The following MROH1 variants were observed in gnomAD, a reference collection of about 807,000 sequenced individuals.
MROH1 encodes maestro heat like repeat family member 1.
In MROH1, 117 loss-of-function variants were observed where a neutral mutation model predicts 116.5. The observed-to-expected ratio is 1.00, with a 90% confidence interval of 0.86 to 1.17. The LOEUF is 1.17. Ranked by LOEUF, MROH1 falls within the 50% of genes most tolerant of loss-of-function variation. The pLI, the probability that MROH1 is intolerant of heterozygous loss-of-function variation, is 0.00. For missense variants in MROH1, 1,873 were observed against 1,338.5 expected (o/e 1.40, Z -6.23); for synonymous variants, 921 against 583.9 (o/e 1.58, Z -8.32).
At chr8:144,259,720 A>G (rs1398797858) in intron 37 of MROH1, among the ~76,000 whole-genome samples, 191 bp from the exon 38 acceptor site, 2 of 152,254 alleles carry the variant, frequency 1.3e-5, no homozygotes, top group African/African-American at 4.8e-5. Flanking sequence ...AGCAGAGCAC[A>G]GCGGGCGTCA....
intron 33 of MROH1, among the ~76,000 whole-genome samples, chr8:144,253,097 T>G (rs1182576437): frequency 6.6e-6 from 1 of 151,208 alleles, no homozygotes; most frequent in Non-Finnish European, 1.5e-5. Context: ...GAGGTTGCAG[T>G]GAGCTGAGAT....
intron 1 of MROH1, among the ~76,000 whole-genome samples, chr8:144,155,684 G>T (rs926647323): frequency 4.3e-4 from 62 of 145,354 alleles, no homozygotes; most frequent in African/African-American, 1.6e-3. Context: ...TTGTCACCCA[G>T]GCCAGAATGC....
chr8:144,261,103 C>T lies in MROH1; in HGVS notation c.4672-11C>T. ...GCGGGGCCAGGCGGCACTGACCAGG[C>T]CTCTCCCCAGATGCACCATTTCCCA... On this transcript the variant is annotated splice_polypyrimidine_tract_variant and intron_variant, in intron 41 of 43. Transcript: ENST00000326134. The T allele has an allele frequency of 3.9e-6, 3 of 775,410 alleles. No homozygotes were observed. The highest frequency in any genetic ancestry group is 1.7e-5 in the Admixed American group (1 of 59,020). The allele number at this position is 775,410 out of a possible 1,614,324, so 48.0% of individuals were successfully genotyped here.
intron 35 of MROH1, among the ~76,000 whole-genome samples, chr8:144,258,432 G>T (rs1477669952): frequency 6.6e-6 from 1 of 152,196 alleles, no homozygotes; most frequent in East Asian, 1.9e-4. Flanking sequence ...GGGGTGGGGG[G>T]CACCTGTGGT....
chr8:144,220,723 G>T, intron 13 of MROH1, 50 bp downstream of exon 13: 2 of 1,492,758 alleles, frequency 1.3e-6, no homozygotes, highest in South Asian at 2.4e-5. Context: ...ACAGGCAGCT[G>T]CAGGGTGTGG....
At chr8:144,225,613 G>A (rs1837636783) in intron 14 of MROH1, among the ~76,000 whole-genome samples, 1 of 152,000 alleles carries the variant, frequency 6.6e-6, no homozygotes, top group Non-Finnish European at 1.5e-5. Flanking sequence ...GTGCAGTGGT[G>A]CAATCTTGGC....
intron 32 of MROH1, 151 bp from the exon 33 acceptor site, chr8:144,250,061 G>A: frequency 1.5e-6 from 1 of 657,272 alleles, no homozygotes; most frequent in Non-Finnish European, 2.8e-6. Flanking sequence ...GGCCCACGGG[G>A]GATCCTGGCC....
intron 37 of MROH1, 77 bp from the exon 38 acceptor site, chr8:144,259,834 G>A (rs1844659833): frequency 1.4e-6 from 1 of 711,036 alleles, no homozygotes. Context: ...GACAGCCTCT[G>A]GTGTTCTGGG....
chr8:144,229,418 C>CT (rs1838418526), intron 14 of MROH1, among the ~76,000 whole-genome samples: 1 of 137,406 alleles, frequency 7.3e-6, no homozygotes, highest in Non-Finnish European at 1.5e-5. Context: ...GGGTCTCACT[C>CT]TGTGACCCAG....
Position 144,244,281 on chromosome 8 carries a change from A to G in MROH1, c.2615A>G (p.His872Arg). ...GCGGATGTGATCCATGGCTGCCTGC[A>G]CAGCATCATGGCCCTGCTGCCTGAG... ...ARADVIHGCL[H>R]SIMALLPEPK... The change falls in exon 27 of 44, where the codon CAC becomes CGC. Residue 872 changes from histidine to arginine, a missense_variant. Coordinates refer to ENST00000326134, the MANE Select transcript of MROH1 (RefSeq NM_032450.3). 1 of 719,170 alleles carries G rather than the reference A, an allele frequency of 1.4e-6. No individual in the cohort carries two copies. Among genetic ancestry groups the G allele is most frequent in the South Asian group, 1.5e-5 (1 of 67,624 alleles). 44.5% of individuals were successfully genotyped at this position (719,170 alleles called of 1,614,324 possible). A position where few individuals can be genotyped will look rare whatever the true frequency, so the allele number is the denominator to read the frequency against.
chr8:144,151,664 T>C (rs1294627903), intron 1 of MROH1, among the ~76,000 whole-genome samples: 1 of 152,230 alleles, frequency 6.6e-6, no homozygotes, highest in Non-Finnish European at 1.5e-5. Context: ...GTAGAGGGTC[T>C]AATTGAGCTG....
chr8:144,228,784 A>G (rs767164629), intron 14 of MROH1, among the ~76,000 whole-genome samples: 3 of 152,234 alleles, frequency 2.0e-5, no homozygotes, highest in Admixed American at 6.5e-5. Context: ...AAATAGGACA[A>G]TGATGAAGTT....
intron 1 of MROH1, among the ~76,000 whole-genome samples, chr8:144,160,556 A>C (rs1476618269): frequency 6.6e-6 from 1 of 151,804 alleles, no homozygotes; most frequent in Non-Finnish European, 1.5e-5. Context: ...TCAGAAGTCT[A>C]CCAAGGGTCC....
Position 144,168,234 on chromosome 8 carries a change from C to T in MROH1, c.23-61C>T, listed in dbSNP as rs549918347. 498 of 1,487,816 alleles carry T rather than the reference C, an allele frequency of 3.3e-4. 2 individuals are homozygous for T. The East Asian group carries it at 6.7e-3, about 20-fold the overall frequency. The allele number at this position is 1,487,816 out of a possible 1,614,324, so 92.2% of individuals were successfully genotyped here. On this transcript the variant is annotated intron_variant, in intron 3 of 43. Coordinates refer to ENST00000326134, the MANE Select transcript of MROH1 (RefSeq NM_032450.3). ...GTGTGTCCACTGCAGGAGTGGCAGC[C>T]GAGGTGTGATAGGAGAGGGCGCTTG...
chr8:144,157,989 C>CT (rs1157662078), intron 1 of MROH1, among the ~76,000 whole-genome samples: 2,205 of 88,838 alleles, frequency 0.025, 53 homozygotes, highest in African/African-American at 0.048. Context: ...CTATTTCTTT[C>CT]TTTTTTTTTT....
chr8:144,250,771 T>A lies in MROH1; in HGVS notation c.3428+405T>A, dbSNP rs1842723958. 10 of 363,286 alleles carry A rather than the reference T, an allele frequency of 2.8e-5. No homozygotes were observed. In the Admixed American group the frequency reaches 3.4e-4, roughly 12 times the overall value. 22.5% of individuals were successfully genotyped at this position (363,286 alleles called of 1,614,324 possible). A position where few individuals can be genotyped will look rare whatever the true frequency, so the allele number is the denominator to read the frequency against. ...CCTCTGCAGGGCATCCACTGCTGCC[T>A]GTGAGCAGACCCCTGGGAACTGCCT... On this transcript the variant is annotated intron_variant, in intron 33 of 43. Transcript: ENST00000326134.
intron 33 of MROH1, among the ~76,000 whole-genome samples, chr8:144,254,172 C>T (rs1214461190): frequency 6.6e-6 from 1 of 152,146 alleles, no homozygotes; most frequent in African/African-American, 2.4e-5. Context: ...TTTTATCTTC[C>T]TATTCACTGG....
intron 3 of MROH1, 41 bp from the exon 4 acceptor site, chr8:144,168,254 C>T (rs368189999): frequency 4.0e-4 from 614 of 1,526,288 alleles, no homozygotes; most frequent in African/African-American, 1.1e-3. Flanking sequence ...TAGGAGAGGG[C>T]GCTTGGGCCT....
At chr8:144,162,883 C>T (rs574093050) in intron 2 of MROH1, among the ~76,000 whole-genome samples, 12 of 151,738 alleles carry the variant, frequency 7.9e-5, no homozygotes, top group East Asian at 3.9e-4. Context: ...CCACCACGAC[C>T]GGCTAATTTT....
Sources: allele counts gnomAD v4.1 joint callset (sites outside exome capture counted in the v4.1 genomes callset), GRCh38; gene constraint gnomAD v4.1.1; transcripts MANE v1.5; gene names NCBI Gene and HGNC (gene_info 2026-07-23, HGNC 2026-07-21).